The following ATP6V0D1 variants were observed in gnomAD, a reference collection of about 807,000 sequenced individuals.
ATP6V0D1 encodes the protein V-type proton ATPase subunit d 1.
Under a neutral mutation model 39.0 loss-of-function variants are expected in ATP6V0D1, and 13 were observed. That is an observed-to-expected ratio of 0.33 (90% confidence interval 0.22 to 0.53). The LOEUF is 0.53. Among genes scored for constraint, ATP6V0D1 ranks in the 20% least tolerant of loss-of-function variants. The probability of loss-of-function intolerance (pLI) is 0.94; values close to 1 mark genes in which losing one functional copy is unlikely to be tolerated. For missense variants in ATP6V0D1, 272 were observed against 470.9 expected (o/e 0.58, Z 3.91); for synonymous variants, 191 against 191.2 (o/e 1.00, Z 0.01).
intron 4 of ATP6V0D1, among the ~76,000 whole-genome samples, chr16:67,442,893 C>T (rs1025399497): frequency 1.3e-5 from 2 of 152,290 alleles, no homozygotes; most frequent in East Asian, 1.9e-4. Context: ...TTATCTGAGC[C>T]CGTCACAGGC....
At chr16:67,458,727 C>T (rs544605297) in intron 1 of ATP6V0D1, among the ~76,000 whole-genome samples, 12 of 152,302 alleles carry the variant, frequency 7.9e-5, no homozygotes, top group African/African-American at 2.6e-4. Context: ...TCTCTGCTGT[C>T]TGACCTGAAC....
chr16:67,452,894 C>A (rs9925029), intron 2 of ATP6V0D1, among the ~76,000 whole-genome samples: 4,688 of 152,316 alleles, frequency 0.031, 238 homozygotes, highest in African/African-American at 0.11. Flanking sequence ...AAGGGTCAGA[C>A]AATGAAGAAG....
chr16:67,472,336 G>A (rs2041380116), intron 1 of ATP6V0D1, among the ~76,000 whole-genome samples: 1 of 152,110 alleles, frequency 6.6e-6, no homozygotes, highest in South Asian at 2.1e-4. Flanking sequence ...CAGAGTAAAT[G>A]TTCCTTCTAT....
chr16:67,444,433 G>T lies in ATP6V0D1; in HGVS notation c.481+95C>A. On this transcript the variant is annotated intron_variant, in intron 3 of 7. Coordinates refer to ENST00000290949, the MANE Select transcript of ATP6V0D1 (RefSeq NM_004691.5). The surrounding 1 kb of genome is among the most constrained non-coding windows in gnomAD (Gnocchi z 4.8). The stretch of plus-strand genomic sequence containing the variant: ...AGCAGTGGGCAGGTCTCACTTTCTG[G>T]CTCAGGGTCGCCCCCCAGCGGGTCC... The T allele has an allele frequency of 7.3e-7, 1 of 1,375,098 alleles. No homozygotes were observed. The highest frequency in any genetic ancestry group is 2.5e-5 in the East Asian group (1 of 40,652). The allele number at this position is 1,375,098 out of a possible 1,614,324, so 85.2% of individuals were successfully genotyped here.
chr16:67,457,909 C>T (rs2041254425), intron 1 of ATP6V0D1, among the ~76,000 whole-genome samples: 1 of 152,212 alleles, frequency 6.6e-6, no homozygotes, highest in Admixed American at 6.5e-5. Context: ...GAATCCTGCC[C>T]AAGGCCTGAG....
At chr16:67,466,371 A>G (rs2041330764) in intron 1 of ATP6V0D1, among the ~76,000 whole-genome samples, 1 of 149,988 alleles carries the variant, frequency 6.7e-6, no homozygotes, top group South Asian at 2.1e-4. Flanking sequence ...ACACACACAC[A>G]CACACAAAAT....
chr16:67,448,710 T>C (rs1055988211), intron 2 of ATP6V0D1, among the ~76,000 whole-genome samples: 1 of 146,288 alleles, frequency 6.8e-6, no homozygotes, highest in Non-Finnish European at 1.5e-5. Flanking sequence ...CCAACAGAGA[T>C]AGTGAGCTTT....
chr16:67,458,271 G>A (rs1452194872), intron 1 of ATP6V0D1, among the ~76,000 whole-genome samples: 2 of 152,250 alleles, frequency 1.3e-5, no homozygotes, highest in Admixed American at 6.5e-5. Flanking sequence ...GAGGGATGCG[G>A]AGGAGGGGAT....
chr16:67,476,936 G>A (rs1292580704), intron 1 of ATP6V0D1, among the ~76,000 whole-genome samples: 1 of 151,330 alleles, frequency 6.6e-6, no homozygotes, highest in African/African-American at 2.4e-5. Flanking sequence ...GGGAGACTGA[G>A]GCAGGAGAAT....
Position 67,444,817 on chromosome 16 carries a change from T to C in ATP6V0D1, c.303-111A>G. On this transcript the variant is annotated intron_variant, in intron 2 of 7. Transcript: ENST00000290949. This position sits in a 1 kb window ranked among gnomAD's most constrained non-coding sequence, Gnocchi z 4.8. ...CAGGCCATCACCCCTTAACAATGTA[T>C]GCTGACTCATGGGTGCTGCGGATAA... is the stretch of plus-strand genomic sequence containing the variant. 1 of 1,004,530 alleles carries C rather than the reference T, an allele frequency of 1.0e-6. No homozygotes were observed. Among genetic ancestry groups the C allele is most frequent in the Non-Finnish European group, 1.4e-6 (1 of 706,716 alleles). The allele number at this position is 1,004,530 out of a possible 1,614,324, so 62.2% of individuals were successfully genotyped here. A position where few individuals can be genotyped will look rare whatever the true frequency, so the allele number is the denominator to read the frequency against.
intron 1 of ATP6V0D1, among the ~76,000 whole-genome samples, chr16:67,465,861 A>C (rs1455835428): frequency 6.6e-6 from 1 of 152,134 alleles, no homozygotes; most frequent in Non-Finnish European, 1.5e-5. Flanking sequence ...CAGAGCAGAG[A>C]CCCAAGGGAC....
rs530762262 is a variant in ATP6V0D1 at position 67,454,074 on chromosome 16, CA to C, written c.131-360del. 1.8e-4 allele frequency among the ~76,000 whole-genome samples: 27 copies of C among 152,276 alleles called. No individual in the cohort carries two copies. In the East Asian group the frequency reaches 5.2e-3, roughly 29 times the overall value. On this transcript the variant is annotated intron_variant, in intron 1 of 7. Coordinates refer to ENST00000290949, the MANE Select transcript of ATP6V0D1 (RefSeq NM_004691.5). ...GCTGTAGGCTGGCCCTAATCTAGAGCAGGGTAAGTCATGAGCCCTGCACTCC... is the reference window on the plus strand; with the variant it reads ...GCTGTAGGCTGGCCCTAATCTAGAGCGGGTAAGTCATGAGCCCTGCACTCC...
intron 1 of ATP6V0D1, among the ~76,000 whole-genome samples, chr16:67,469,493 T>C (rs1413759050): frequency 6.6e-6 from 1 of 152,170 alleles, no homozygotes; most frequent in Non-Finnish European, 1.5e-5. Flanking sequence ...CCTGCAGCTC[T>C]GGCCAGCTGA....
At chr16:67,452,401 G>T in intron 2 of ATP6V0D1, 1 of 1,535,554 alleles carries the variant, frequency 6.5e-7, no homozygotes, top group Non-Finnish European at 8.7e-7. Context: ...TCTTGAGCAA[G>T]TGGATCCTGG....
At chr16:67,446,499 C>T (rs2041117123) in intron 2 of ATP6V0D1, among the ~76,000 whole-genome samples, 1 of 152,190 alleles carries the variant, frequency 6.6e-6, no homozygotes, top group South Asian at 2.1e-4. Flanking sequence ...AGCCAAGAGG[C>T]CCAAATGGGC....
chr16:67,471,152 T>C lies in ATP6V0D1; in HGVS notation c.130+9805A>G, dbSNP rs2041369739. Among the ~76,000 whole-genome samples the C allele has an allele frequency of 1.3e-5, 2 of 152,310 alleles. 1 individual carries two copies. The highest frequency in any genetic ancestry group is 4.1e-4 in the South Asian group (2 of 4,826). On this transcript the variant is annotated intron_variant, in intron 1 of 7. Coordinates refer to ENST00000290949, the MANE Select transcript of ATP6V0D1 (RefSeq NM_004691.5). ...ATACACTGTGTAATGAATGATCAAT[T>C]CAGGGTAATTAGCATATCCATCAAC...
At chr16:67,462,293 A>G (rs1233837157) in intron 1 of ATP6V0D1, among the ~76,000 whole-genome samples, 1 of 152,196 alleles carries the variant, frequency 6.6e-6, no homozygotes, top group African/African-American at 2.4e-5. Flanking sequence ...GGTGGGGGCC[A>G]CACCCTCCTC....
At chr16:67,480,898 C>G in intron 1 of ATP6V0D1, 59 bp downstream of exon 1, 1 of 1,602,266 alleles carries the variant, frequency 6.2e-7, no homozygotes, top group Non-Finnish European at 8.5e-7. Flanking sequence ...CCGGCCTACA[C>G]CTCTGAACCC....
rs753140761 is a variant in ATP6V0D1 at position 67,439,153 on chromosome 16, G to A, written c.640-6C>T. ...GCGCGGCGGTCTGCTTCAAACTGTGGAGCCAGTGCACAGGTAAGAAGAGAG... is the reference window on the plus strand; with the variant it reads ...GCGCGGCGGTCTGCTTCAAACTGTGAAGCCAGTGCACAGGTAAGAAGAGAG... On this transcript the variant is annotated splice_region_variant and splice_polypyrimidine_tract_variant and intron_variant, in intron 5 of 7. Transcript: ENST00000290949. The A allele has an allele frequency of 2.5e-6, 4 of 1,613,890 alleles. No individual in the cohort carries two copies. In the Admixed American group the frequency reaches 6.7e-5, roughly 27 times the overall value.
Sources: gnomAD v4.1 joint callset for allele counts (sites outside exome capture counted in the v4.1 genomes callset) on GRCh38, gnomAD v4.1.1 for gene constraint, Gnocchi (gnomAD v3.1) non-coding constraint, MANE v1.5 for transcripts, NCBI Gene and HGNC (gene_info 2026-07-23, HGNC 2026-07-21) for gene names.